Variants in ELOA2 observed in about 807,000 individuals in gnomAD.
ELOA2 encodes elongin A2.
For missense variants in ELOA2, 1,271 were observed against 979.7 expected (o/e 1.30, Z -3.97); for synonymous variants, 497 against 398.8 (o/e 1.25, Z -2.94).
In ELOA2 at chr18:47,034,106, G is replaced by A; in HGVS notation, c.1159C>T (p.Leu387Phe). 1 of 1,614,230 alleles carries A rather than the reference G, an allele frequency of 6.2e-7. No individual in the cohort carries two copies. Among genetic ancestry groups the A allele is most frequent in the Non-Finnish European group, 8.5e-7 (1 of 1,180,048 alleles). ...EQPTLSCEKY[L>F]TYDQLRKQKK... ...TGCTTCCGCAACTGATCGTAGGTGA[G>A]GTATTTTTCACATGACAGAGTGGGC... The change falls in exon 1 of 1, where the codon CTC becomes TTC. Residue 387 changes from leucine to phenylalanine, a missense_variant. Physicochemically the swap from Leu to Phe is conservative, Grantham distance 22. Coordinates refer to ENST00000332567, the MANE Select transcript of ELOA2 (RefSeq NM_016427.3).
chr18:47,033,850 G>T lies in ELOA2; in HGVS notation c.1415C>A (p.Ala472Asp). The change falls in exon 1 of 1, where the codon GCC becomes GAC. Residue 472 changes from alanine (A) to aspartate (D), a missense_variant. By Grantham distance (126) the Ala-to-Asp change is moderately radical. Coordinates refer to ENST00000332567, the MANE Select transcript of ELOA2 (RefSeq NM_016427.3). ...AGAATCCGAAAGCGGATCGTAGTTG[G>T]CCTGCATCCAGGCCTCTGAGAGGTC... is the stretch of plus-strand genomic sequence containing the variant. ...LWDLSEAWMQ[A>D]NYDPLSDSDS... 6.2e-7 allele frequency: 1 copy of T among 1,614,086 alleles called. No individual in the cohort carries two copies. The highest frequency in any genetic ancestry group is 1.1e-5 in the South Asian group (1 of 91,076).
In ELOA2 at chr18:47,035,146, G is replaced by A. The variant is rs1043435194; in HGVS notation, c.119C>T (p.Thr40Met). ...YLQKLSALPM[T>M]ADILAETGIR... is the part of the protein sequence containing the mutation. ...TCCAGTCTCCGCCAGGATGTCTGCC[G>A]TCATGGGCAAGGCGGAGAGTTTCTG... The change falls in exon 1 of 1, where the codon ACG (threonine) becomes ATG (methionine). Residue 40 changes from threonine (T) to methionine (M), a missense_variant. By Grantham distance (81) the Thr-to-Met change is moderately conservative. Coordinates refer to ENST00000332567, the MANE Select transcript of ELOA2 (RefSeq NM_016427.3). The A allele has an allele frequency of 2.5e-6, 4 of 1,611,806 alleles. No individual in the cohort carries two copies. Among genetic ancestry groups the A allele is most frequent in the African/African-American group, 1.3e-5 (1 of 74,844 alleles).
At position 47,034,319 on chromosome 18, in the gene ELOA2, T is replaced by C; in HGVS notation, c.946A>G (p.Lys316Glu). 1 of 1,612,854 alleles carries C rather than the reference T, an allele frequency of 6.2e-7. No homozygotes were observed. The highest frequency in any genetic ancestry group is 8.5e-7 in the Non-Finnish European group (1 of 1,178,980). ...TCCCGGCCGTCTAGACTGGGCCTCT[T>C]CTTGTTCGAGTGACTGTGCTGAGGC... is the stretch of plus-strand genomic sequence containing the variant. ...KRPQHSHSNK[K>E]RPSLDGRDPG... The change falls in exon 1 of 1, where the codon AAG becomes GAG. Residue 316 changes from lysine to glutamate, a missense_variant. Physicochemically the swap from Lys to Glu is moderately conservative, Grantham distance 56. Transcript: ENST00000332567.
In ELOA2 at chr18:47,033,533, C is replaced by G. The variant is rs144819955; in HGVS notation, c.1732G>C (p.Val578Leu). 3.4e-4 allele frequency: 542 copies of G among 1,614,042 alleles called. No homozygotes were observed. Among genetic ancestry groups the G allele is most frequent in the Non-Finnish European group, 4.4e-4 (516 of 1,180,048 alleles). ...CTCCGTAATTCGTCTGTCTCTCTAACGAGTGCGTGATTGTCTTTCTTTCTG... is the reference window on the plus strand; with the variant it reads ...CTCCGTAATTCGTCTGTCTCTCTAAGGAGTGCGTGATTGTCTTTCTTTCTG... ...YRRKKDNHAL[V>L]RETDELRRNH... Residue 578 changes from valine to leucine, a missense_variant, in exon 1 of 1, where the codon GTT (valine) becomes CTT (leucine). Coordinates refer to ENST00000332567, the MANE Select transcript of ELOA2 (RefSeq NM_016427.3).
chr18:47,034,958 G>A lies in ELOA2; in HGVS notation c.307C>T (p.Leu103Phe). The A allele has an allele frequency of 8.1e-6, 13 of 1,611,794 alleles. No homozygotes were observed. Among genetic ancestry groups the A allele is most frequent in the Non-Finnish European group, 1.1e-5 (13 of 1,179,684 alleles). ...SASRQRFGEA[L>F]QDQEKAWGFP... ...CCCCAGGCCTTTTCCTGGTCCTGAA[G>A]AGCCTCCCCGAAGCGCTGTCGGGAA... Residue 103 changes from leucine to phenylalanine, a missense_variant, in exon 1 of 1, where the codon CTT becomes TTT. By Grantham distance (22) the Leu-to-Phe change is conservative (BLOSUM62 0). Transcript: ENST00000332567.
chr18:47,032,973 C>G lies in ELOA2; in HGVS notation c.*30G>C. The G allele has an allele frequency of 1.9e-6, 3 of 1,613,716 alleles. No individual in the cohort carries two copies. Among genetic ancestry groups the G allele is most frequent in the Non-Finnish European group, 2.5e-6 (3 of 1,180,032 alleles). On this transcript the variant is annotated 3_prime_UTR_variant, in exon 1 of 1. Coordinates refer to ENST00000332567, the MANE Select transcript of ELOA2 (RefSeq NM_016427.3). The stretch of plus-strand genomic sequence containing the variant: ...GACTTTGCCAATGCAAAAATCCCCC[C>G]AGATTTTATCTGCAAGGCAAGTCCT...
rs2060722643 is a variant in ELOA2, at chr18:47,035,366, G to A, written c.-102C>T. On this transcript the variant is annotated 5_prime_UTR_variant, in exon 1 of 1. Coordinates refer to ENST00000332567, the MANE Select transcript of ELOA2 (RefSeq NM_016427.3). ...GGTGGCCGGTCCTCGCTGCCCGGTC[G>A]CCAGGCAGCGACCTCGGGATGTGGA... 6.4e-6 allele frequency: 10 copies of A among 1,571,074 alleles called. No individual in the cohort carries two copies. Among genetic ancestry groups the A allele is most frequent in the South Asian group, 1.2e-5 (1 of 85,924 alleles).
In ELOA2 at chr18:47,033,157, C is replaced by A. The variant is rs577341359; in HGVS notation, c.2108G>T (p.Arg703Leu). The change falls in exon 1 of 1, where the codon CGC (arginine) becomes CTC (leucine). Residue 703 changes from arginine (R) to leucine (L), a missense_variant. By Grantham distance (102) the Arg-to-Leu change is moderately radical. Transcript: ENST00000332567. ...GTTGGCCCGCTTCTCAGGGAGCCAG[C>A]GAAGGATGCTGCTGCTGCTGTCTCT... Reference protein sequence around the residue: ...GGRDSSSSILRWLPEKRANPC... With the variant: ...GGRDSSSSILLWLPEKRANPC... 3.7e-6 allele frequency: 6 copies of A among 1,613,924 alleles called. No individual in the cohort carries two copies. In the African/African-American group the frequency reaches 8.0e-5, roughly 22 times the overall value.
At position 47,034,889 on chromosome 18, in the gene ELOA2, G is replaced by T; in HGVS notation, c.376C>A (p.Pro126Thr). 1 of 1,612,112 alleles carries T rather than the reference G, an allele frequency of 6.2e-7. No homozygotes were observed. The highest frequency in any genetic ancestry group is 8.5e-7 in the Non-Finnish European group (1 of 1,179,928). Residue 126 changes from proline (P) to threonine (T), a missense_variant, in exon 1 of 1, where the codon CCT (proline) becomes ACT (threonine). Transcript: ENST00000332567. The part of the protein sequence containing the change: ...ATAPRSPSHS[P>T]EHRRTARRTP... ...CTGCGTGCTGTCCGTCTGTGCTCAG[G>T]GCTGTGAGATGGGCTCCTGGGGGCC... is the stretch of plus-strand genomic sequence containing the variant.
In ELOA2 at chr18:47,034,761, A is replaced by G; in HGVS notation, c.504T>C (p.Tyr168=). Residue 168 remains tyrosine, a synonymous_variant, in exon 1 of 1, where the codon TAT becomes TAC. Coordinates refer to ENST00000332567, the MANE Select transcript of ELOA2 (RefSeq NM_016427.3). ...GAGCTGTGCGCGTTGGAGAGGCCCG[A>G]TAGCGGCCGGAATCAGCTGGGGCTA... ...PRIAPADSGR[Y]RASPTRTAPL... is the part of the protein sequence containing the mutation. The G allele has an allele frequency of 1.2e-6, 2 of 1,612,620 alleles. No individual in the cohort carries two copies. The highest frequency in any genetic ancestry group is 1.1e-5 in the South Asian group (1 of 91,016).
chr18:47,034,960 G>A lies in ELOA2; in HGVS notation c.305C>T (p.Ala102Val). ...CCAGGCCTTTTCCTGGTCCTGAAGA[G>A]CCTCCCCGAAGCGCTGTCGGGAAGC... The part of the protein sequence containing the change: ...ESASRQRFGE[A>V]LQDQEKAWGF... The change falls in exon 1 of 1, where the codon GCT (alanine) becomes GTT (valine). Residue 102 changes from alanine (A) to valine (V), a missense_variant. Ala to Val is a moderately conservative substitution (Grantham distance 64, BLOSUM62 0). Transcript: ENST00000332567. 1 of 1,611,768 alleles carries A rather than the reference G, an allele frequency of 6.2e-7. No homozygotes were observed. Among genetic ancestry groups the A allele is most frequent in the South Asian group, 1.1e-5 (1 of 90,972 alleles).
Position 47,034,050 on chromosome 18 carries a change from A to T in ELOA2, c.1215T>A (p.Thr405=). 1 of 1,614,190 alleles carries T rather than the reference A, an allele frequency of 6.2e-7. No homozygotes were observed. Among genetic ancestry groups the T allele is most frequent in the East Asian group, 2.2e-5 (1 of 44,878 alleles). ...CTTTCCTTTGTTTATCTCCAAGTGC[A>T]GTGGTGGCAGATTTTCCAGTCTTTT... The part of the protein sequence containing the change: ...QKKKTGKSAT[T]ALGDKQRKAN... Residue 405 remains threonine, a synonymous_variant, in exon 1 of 1, where the codon ACT becomes ACA. Coordinates refer to ENST00000332567, the MANE Select transcript of ELOA2 (RefSeq NM_016427.3).
rs751657328 is a variant in ELOA2, at chr18:47,034,643, A to C, written c.622T>G (p.Cys208Gly). Reference sequence around the variant, plus strand: ...TGGGGTTGGCCCTGGCAGCCTGGACACAGCAGAGGCCCGCCCTGAGCCGCG... The same window carrying C: ...TGGGGTTGGCCCTGGCAGCCTGGACCCAGCAGAGGCCCGCCCTGAGCCGCG... ...THAAQGGPLL[C>G]PGCQGQPQGK... Residue 208 changes from cysteine (C) to glycine (G), a missense_variant, in exon 1 of 1, where the codon TGT becomes GGT. By Grantham distance (159) the Cys-to-Gly change is radical (BLOSUM62 -3). Transcript: ENST00000332567. 25 of 1,613,872 alleles carry C rather than the reference A, an allele frequency of 1.5e-5. No individual in the cohort carries two copies. The highest frequency in any genetic ancestry group is 6.7e-5 in the East Asian group (3 of 44,882).
In ELOA2 at chr18:47,034,146, A is replaced by G. The variant is rs1040081999; in HGVS notation, c.1119T>C (p.Ala373=). 40 of 1,614,072 alleles carry G rather than the reference A, an allele frequency of 2.5e-5. No homozygotes were observed. Among genetic ancestry groups the G allele is most frequent in the Non-Finnish European group, 3.3e-5 (39 of 1,180,036 alleles). The change falls in exon 1 of 1, where the codon GCT becomes GCC. Residue 373 remains alanine (A), a synonymous_variant. Coordinates refer to ENST00000332567, the MANE Select transcript of ELOA2 (RefSeq NM_016427.3). ...SLSEVEEVDM[A]EEFEQPTLSC... ...ACAGAGTGGGCTGCTCGAATTCCTC[A>G]GCCATATCTACCTCCTCCACCTCAG...
rs1260999334 is a variant in ELOA2, at chr18:47,034,378, G to T, written c.887C>A (p.Ala296Asp). ...GTGACTGTCTGGAGCCTCCTCCAAG[G>T]CAGGGACACGCTGGCCGCTGCCAGC... ...GQAGSGQRVP[A>D]LEEAPDSHQK... The change falls in exon 1 of 1, where the codon GCC becomes GAC. Residue 296 changes from alanine to aspartate, a missense_variant. Transcript: ENST00000332567. 1 of 1,613,910 alleles carries T rather than the reference G, an allele frequency of 6.2e-7. No individual in the cohort carries two copies. The highest frequency in any genetic ancestry group is 1.3e-5 in the African/African-American group (1 of 74,950).
Position 47,033,240 on chromosome 18 carries a change from G to A in ELOA2, c.2025C>T (p.Ala675=), listed in dbSNP as rs75423131. The change falls in exon 1 of 1, where the codon GCC becomes GCT. Residue 675 remains alanine, a synonymous_variant. Coordinates refer to ENST00000332567, the MANE Select transcript of ELOA2 (RefSeq NM_016427.3). ...TGTGGCTGCTTCCCGCGGGCTTGGAGGCTGGCTTGATCTCCCCATTTTCGG... is the reference window on the plus strand; with the variant it reads ...TGTGGCTGCTTCCCGCGGGCTTGGAAGCTGGCTTGATCTCCCCATTTTCGG... ...ADPENGEIKP[A]SKPAGSSHTP... The A allele has an allele frequency of 3.7e-6, 6 of 1,613,794 alleles. No homozygotes were observed. The highest frequency in any genetic ancestry group is 5.1e-6 in the Non-Finnish European group (6 of 1,180,040).
Position 47,035,159 on chromosome 18 carries a change from C to A in ELOA2, c.106G>T (p.Ala36Ser). 6.2e-7 allele frequency: 1 copy of A among 1,612,058 alleles called. No homozygotes were observed. The highest frequency in any genetic ancestry group is 2.2e-4 in the Middle Eastern group (1 of 4,514). Residue 36 changes from alanine to serine, a missense_variant, in exon 1 of 1, where the codon GCC becomes TCC. By Grantham distance (99) the Ala-to-Ser change is moderately conservative (BLOSUM62 1). Transcript: ENST00000332567. ...KLEKYLQKLS[A>S]LPMTADILAE... ...AGGATGTCTGCCGTCATGGGCAAGG[C>A]GGAGAGTTTCTGCAAATATTTCTCT...
At position 47,035,176 on chromosome 18, in the gene ELOA2, T is replaced by C; in HGVS notation, c.89A>G (p.Tyr30Cys). The C allele has an allele frequency of 6.2e-7, 1 of 1,612,232 alleles. No individual in the cohort carries two copies. The highest frequency in any genetic ancestry group is 8.5e-7 in the Non-Finnish European group (1 of 1,179,850). ...TKTEPKKLEK[Y>C]LQKLSALPMT... ...GGGCAAGGCGGAGAGTTTCTGCAAATATTTCTCTAGCTTTTTCGGCTCCGT... is the reference window on the plus strand; with the variant it reads ...GGGCAAGGCGGAGAGTTTCTGCAAACATTTCTCTAGCTTTTTCGGCTCCGT... The change falls in exon 1 of 1, where the codon TAT (tyrosine) becomes TGT (cysteine). Residue 30 changes from tyrosine to cysteine, a missense_variant. Physicochemically the swap from Tyr to Cys is radical, Grantham distance 194 (BLOSUM62 -2). Coordinates refer to ENST00000332567, the MANE Select transcript of ELOA2 (RefSeq NM_016427.3).
In ELOA2 at chr18:47,034,798, T is replaced by C. The variant is rs2060684565; in HGVS notation, c.467A>G (p.Lys156Arg). Residue 156 changes from lysine (K) to arginine (R), a missense_variant, in exon 1 of 1, where the codon AAG (lysine) becomes AGG (arginine). By Grantham distance (26) the Lys-to-Arg change is conservative (BLOSUM62 2). Coordinates refer to ENST00000332567, the MANE Select transcript of ELOA2 (RefSeq NM_016427.3). ...ATCAGCTGGGGCTATTCTGGGGCACTTTCTCTCAGCTCTGGGCTCGCGACT... is the reference window on the plus strand; with the variant it reads ...ATCAGCTGGGGCTATTCTGGGGCACCTTCTCTCAGCTCTGGGCTCGCGACT... ...SHSREPRAER[K>R]CPRIAPADSG... 4 of 1,612,374 alleles carry C rather than the reference T, an allele frequency of 2.5e-6. No individual in the cohort carries two copies. The highest frequency in any genetic ancestry group is 3.4e-6 in the Non-Finnish European group (4 of 1,179,700).
Sources: allele counts gnomAD v4.1 joint callset, GRCh38; gene constraint gnomAD v4.1.1; transcripts MANE v1.5; gene names NCBI Gene and HGNC (gene_info 2026-07-23, HGNC 2026-07-21).